Variants in PELI2 observed in about 807,000 individuals in gnomAD.
PELI2 encodes the protein pellino E3 ubiquitin protein ligase family member 2.
PELI2 carries 23 observed loss-of-function variants against 42.3 expected under a neutral mutation model. The observed-to-expected ratio is 0.54, with a 90% CI of 0.39 to 0.77. The LOEUF is 0.77. Among genes scored for constraint, PELI2 ranks in the 30% least tolerant of loss-of-function variants. The pLI is 0.00. For synonymous variants in PELI2, 245 were observed against 212.2 expected (o/e 1.15, Z -1.34); for missense variants, 463 against 553.2 (o/e 0.84, Z 1.64).
In PELI2 at chr14:56,296,896, C is replaced by A. The variant is rs765835628; in HGVS notation, c.993C>A (p.Asn331Lys). 1 of 1,614,146 alleles carries A rather than the reference C, an allele frequency of 6.2e-7. No individual in the cohort carries two copies. Among genetic ancestry groups the A allele is most frequent in the Non-Finnish European group, 8.5e-7 (1 of 1,180,032 alleles). Residue 331 changes from asparagine to lysine, a missense_variant, in exon 6 of 6, where the codon AAC becomes AAA. Coordinates refer to ENST00000267460, the MANE Select transcript of PELI2 (RefSeq NM_021255.3). ...GCCATCGGAGTGACACGGAGGCCAACGAGAGGGAGTGTCCCATGTGCAGGA... is the reference window on the plus strand; with the variant it reads ...GCCATCGGAGTGACACGGAGGCCAAAGAGAGGGAGTGTCCCATGTGCAGGA... ...NWGHRSDTEA[N>K]ERECPMCRTV...
intron 2 of PELI2, among the ~76,000 whole-genome samples, chr14:56,269,542 A>G (rs1040226087): frequency 4.6e-5 from 7 of 152,192 alleles, no homozygotes; most frequent in African/African-American, 1.7e-4. Context: ...CCTTTCACTT[A>G]TTTAGCAATT....
intron 1 of PELI2, among the ~76,000 whole-genome samples, chr14:56,133,816 G>A (rs560723415): frequency 2.6e-5 from 4 of 152,240 alleles, no homozygotes; most frequent in African/African-American, 4.8e-5. Flanking sequence ...CAAGCACCAC[G>A]ACAGGGCAGG....
At chr14:56,160,750 A>G (rs78001536) in intron 1 of PELI2, among the ~76,000 whole-genome samples, 19,881 of 152,182 alleles carry the variant, frequency 0.13, 1,476 homozygotes, top group Middle Eastern at 0.17. Flanking sequence ...CGCCTCCTGT[A>G]TTGATACTGA....
chr14:56,235,248 A>G (rs1488771109), intron 2 of PELI2, among the ~76,000 whole-genome samples: 2 of 152,228 alleles, frequency 1.3e-5, no homozygotes, highest in Non-Finnish European at 2.9e-5. Flanking sequence ...TGTGGTGAAT[A>G]AAATGTTACC....
At chr14:56,268,646 A>T (rs975142224) in intron 2 of PELI2, among the ~76,000 whole-genome samples, 1 of 152,192 alleles carries the variant, frequency 6.6e-6, no homozygotes, top group Non-Finnish European at 1.5e-5. Flanking sequence ...ATGCTGTTTT[A>T]AAGAATGGGG....
chr14:56,284,354 G>A (rs565563537), intron 3 of PELI2, among the ~76,000 whole-genome samples: 2 of 152,320 alleles, frequency 1.3e-5, no homozygotes, highest in South Asian at 2.1e-4. Flanking sequence ...GAAGGAATTA[G>A]AGGGGTGCAT....
chr14:56,169,896 G>T (rs1885104664), intron 1 of PELI2, among the ~76,000 whole-genome samples: 1 of 152,202 alleles, frequency 6.6e-6, no homozygotes, highest in Non-Finnish European at 1.5e-5. Context: ...TAATAAGAGG[G>T]TTGGGACTAT....
At chr14:56,151,746 C>A (rs1002197399) in intron 1 of PELI2, among the ~76,000 whole-genome samples, 2 of 152,164 alleles carry the variant, frequency 1.3e-5, no homozygotes, top group Non-Finnish European at 2.9e-5. Context: ...GTTATAGTTA[C>A]TATCTGGACT....
At chr14:56,190,051 G>A (rs564361203) in intron 2 of PELI2, among the ~76,000 whole-genome samples, 11 of 152,238 alleles carry the variant, frequency 7.2e-5, no homozygotes, top group African/African-American at 2.4e-4. Context: ...TTTGAACAAA[G>A]AGTTGTGTAT....
rs567176305 is a variant in PELI2, at chr14:56,292,281, G to A, written c.696+1825G>A. ...CCGATTAACCTGGCCAGTTACAAAG[G>A]CTTCTATCAGCCTGATCTTGGGCTT... On this transcript the variant is annotated intron_variant, in intron 5 of 5. Transcript: ENST00000267460. Among the ~76,000 whole-genome samples the A allele has an allele frequency of 5.9e-5, 9 of 152,252 alleles. 1 individual carries two copies. Among genetic ancestry groups the A allele is most frequent in the African/African-American group, 2.2e-4 (9 of 41,544 alleles).
In PELI2 at chr14:56,281,575, T is replaced by C. The variant is rs1017522870; in HGVS notation, c.309+1798T>C. Among the ~76,000 whole-genome samples, 5 of 152,126 alleles carry C rather than the reference T, an allele frequency of 3.3e-5. 1 individual carries two copies. The highest frequency in any genetic ancestry group is 1.2e-4 in the African/African-American group (5 of 41,450). On this transcript the variant is annotated intron_variant, in intron 3 of 5. Coordinates refer to ENST00000267460, the MANE Select transcript of PELI2 (RefSeq NM_021255.3). ...GAATATTTTATGTGGTTTTTAAATG[T>C]ATTTGCAGTAGTCCTGAACTTCAGC... is the stretch of plus-strand genomic sequence containing the variant.
At chr14:56,268,233 T>A (rs533990622) in intron 2 of PELI2, among the ~76,000 whole-genome samples, 1 of 152,226 alleles carries the variant, frequency 6.6e-6, no homozygotes, top group Non-Finnish European at 1.5e-5. Flanking sequence ...TTCAACTTAG[T>A]CATTCGCAGG....
intron 2 of PELI2, among the ~76,000 whole-genome samples, chr14:56,246,915 A>G (rs1424145492): frequency 2.0e-5 from 3 of 152,164 alleles, no homozygotes; most frequent in Non-Finnish European, 4.4e-5. Context: ...AAACCTTTAA[A>G]CTATACAGAA....
At chr14:56,132,187 G>GA (rs1883511989) in intron 1 of PELI2, among the ~76,000 whole-genome samples, 1 of 152,158 alleles carries the variant, frequency 6.6e-6, no homozygotes, top group Non-Finnish European at 1.5e-5. Context: ...CCCAGACACT[G>GA]AGTGACTCGT....
intron 2 of PELI2, among the ~76,000 whole-genome samples, chr14:56,200,231 A>G (rs1474860549): frequency 6.6e-6 from 1 of 152,278 alleles, no homozygotes; most frequent in Non-Finnish European, 1.5e-5. Context: ...TGAGAGTTCA[A>G]ATACAGAGTG....
intron 2 of PELI2, among the ~76,000 whole-genome samples, chr14:56,251,411 C>T (rs945252091): frequency 6.6e-6 from 1 of 152,216 alleles, no homozygotes; most frequent in Non-Finnish European, 1.5e-5. Flanking sequence ...AGGGTAGTTG[C>T]TGAGTCTTTA....
chr14:56,249,156 A>C (rs766144742), intron 2 of PELI2, among the ~76,000 whole-genome samples: 1 of 152,168 alleles, frequency 6.6e-6, no homozygotes, highest in Admixed American at 6.5e-5. Context: ...TTAGTTTCCA[A>C]ACATTCACAT....
At chr14:56,274,517 C>T (rs189527181) in intron 2 of PELI2, among the ~76,000 whole-genome samples, 19 of 152,242 alleles carry the variant, frequency 1.2e-4, no homozygotes, top group African/African-American at 4.6e-4. Context: ...GCAATACTGC[C>T]TTCTGTTATC....
chr14:56,206,119 A>G (rs772493070), intron 2 of PELI2, among the ~76,000 whole-genome samples: 2 of 152,198 alleles, frequency 1.3e-5, no homozygotes, highest in Non-Finnish European at 2.9e-5. Flanking sequence ...TTCATTTACT[A>G]GAGTATTTGC....
Sources: allele counts gnomAD v4.1 joint callset (sites outside exome capture counted in the v4.1 genomes callset), GRCh38; gene constraint gnomAD v4.1.1; transcripts MANE v1.5; gene names NCBI Gene and HGNC (gene_info 2026-07-23, HGNC 2026-07-21).